Variants in PRKG1 observed in about 807,000 individuals in gnomAD.
PRKG1 encodes the protein protein kinase cGMP-dependent 1.
Under a neutral mutation model 88.1 loss-of-function variants are expected in PRKG1, and 35 were observed. The ratio of observed to expected loss-of-function variants is 0.40; its 90% CI spans 0.30 to 0.53. The LOEUF (loss-of-function observed/expected upper bound fraction) is 0.53. PRKG1 is among the 20% of genes least tolerant of loss of function. PRKG1 has a pLI of 0.59. For synonymous variants in PRKG1, 303 were observed against 292.5 expected (o/e 1.04, Z -0.37); for missense variants, 540 against 839.8 (o/e 0.64, Z 4.41).
intron 3 of PRKG1, among the ~76,000 whole-genome samples, chr10:51,755,659 G>C (rs1258844948): frequency 6.6e-6 from 1 of 152,188 alleles, no homozygotes; most frequent in Admixed American, 6.5e-5. Flanking sequence ...ATCTAATCAA[G>C]CTTTTAAGTT....
upstream of PRKG1, among the ~76,000 whole-genome samples, chr10:51,071,505 T>C (rs895085902): frequency 6.6e-6 from 1 of 152,232 alleles, no homozygotes; most frequent in African/African-American, 2.4e-5. Context: ...CTTTTTACTC[T>C]ATTTGTGTTT....
At chr10:52,116,913 C>A (rs1034657011) in intron 7 of PRKG1, among the ~76,000 whole-genome samples, 1 of 151,808 alleles carries the variant, frequency 6.6e-6, no homozygotes, top group Non-Finnish European at 1.5e-5. Flanking sequence ...ATTAGTGGCA[C>A]ATTTGGTATT....
intron 12 of PRKG1, among the ~76,000 whole-genome samples, chr10:52,279,023 T>C (rs975308768): frequency 6.6e-6 from 1 of 152,158 alleles, no homozygotes; most frequent in Non-Finnish European, 1.5e-5. Context: ...ATTTAATTCA[T>C]AGATAGCAGT....
chr10:51,020,870 C>G (rs1843127154), intron 1 of PRKG1, among the ~76,000 whole-genome samples: 1 of 152,096 alleles, frequency 6.6e-6, no homozygotes, highest in Admixed American at 6.5e-5. Flanking sequence ...TTGAATTTAT[C>G]TGATCAAACA....
At chr10:51,677,878 A>G (rs547071991) in intron 3 of PRKG1, among the ~76,000 whole-genome samples, 11 of 152,226 alleles carry the variant, frequency 7.2e-5, no homozygotes, top group Non-Finnish European at 1.5e-4. Context: ...CATAGGTGAG[A>G]TAGGGACATG....
At chr10:51,308,427 A>C (rs1841094856) in intron 2 of PRKG1, among the ~76,000 whole-genome samples, 1 of 152,190 alleles carries the variant, frequency 6.6e-6, no homozygotes. Flanking sequence ...TTTTGCAATG[A>C]TTAAATTACA....
intron 3 of PRKG1, chr10:51,699,063 G>A: frequency 1.9e-6 from 3 of 1,614,224 alleles, no homozygotes; most frequent in Admixed American, 3.3e-5. Context: ...GGATTTTGAA[G>A]TAACATGTTT....
intron 3 of PRKG1, among the ~76,000 whole-genome samples, chr10:51,741,530 C>A (rs1012252136): frequency 1.6e-4 from 25 of 151,986 alleles, no homozygotes; most frequent in Non-Finnish European, 4.4e-5. Flanking sequence ...TGAAGATGGG[C>A]ATTGTTGGGG....
intron 2 of PRKG1, among the ~76,000 whole-genome samples, chr10:51,345,991 CTG>C: frequency 6.6e-6 from 1 of 152,286 alleles, no homozygotes; most frequent in Admixed American, 6.5e-5. Flanking sequence ...TCTTGATTCT[CTG>C]TCTTTTTTAA....
intron 2 of PRKG1, among the ~76,000 whole-genome samples, chr10:51,358,734 G>C (rs1179531007): frequency 6.6e-6 from 1 of 151,834 alleles, no homozygotes; most frequent in Admixed American, 6.6e-5. Context: ...ATTTACTTTG[G>C]CCTTTAAAGC....
chr10:51,485,197 TAA>T (rs1325793200), intron 3 of PRKG1, among the ~76,000 whole-genome samples: 2 of 152,226 alleles, frequency 1.3e-5, no homozygotes, highest in African/African-American at 4.8e-5. Context: ...TATTTTTTAA[TAA>T]AGAGTATGCA....
At chr10:51,177,927 C>T (rs1402876371) in intron 2 of PRKG1, among the ~76,000 whole-genome samples, 1 of 151,656 alleles carries the variant, frequency 6.6e-6, no homozygotes, top group Non-Finnish European at 1.5e-5. Context: ...CCACAACCAT[C>T]AAAAATTTAC....
At chr10:51,916,307 T>C (rs1044613595) in intron 5 of PRKG1, among the ~76,000 whole-genome samples, 2 of 152,132 alleles carry the variant, frequency 1.3e-5, no homozygotes, top group African/African-American at 4.8e-5. Context: ...GTGACAAGAG[T>C]GACCTCTGGT....
intron 2 of PRKG1, among the ~76,000 whole-genome samples, chr10:51,351,432 C>CTT (rs1842242369): frequency 6.6e-6 from 1 of 152,002 alleles, no homozygotes; most frequent in Non-Finnish European, 1.5e-5. Context: ...TGTTTCCTGA[C>CTT]TTTAATGATC....
At chr10:51,893,998 A>C (rs1841783298) in intron 4 of PRKG1, among the ~76,000 whole-genome samples, 1 of 152,196 alleles carries the variant, frequency 6.6e-6, no homozygotes, top group African/African-American at 2.4e-5. Context: ...TGGGATGCCT[A>C]CTTAGATGTA....
At chr10:51,241,871 T>G (rs1163564692) in intron 2 of PRKG1, among the ~76,000 whole-genome samples, 1 of 151,954 alleles carries the variant, frequency 6.6e-6, no homozygotes, top group Non-Finnish European at 1.5e-5. Context: ...CCAAAGCCAA[T>G]TTCAAAACTG....
At chr10:52,005,251 CTT>C (rs10595402) in intron 5 of PRKG1, among the ~76,000 whole-genome samples, 62,834 of 117,492 alleles carry the variant, frequency 0.53, 16,128 homozygotes, top group Middle Eastern at 0.61. Flanking sequence ...TAATGCCCAT[CTT>C]TTTTTTTTTT....
chr10:51,627,053 A>G (rs765654671), intron 3 of PRKG1, among the ~76,000 whole-genome samples: 2 of 152,160 alleles, frequency 1.3e-5, no homozygotes, highest in African/African-American at 4.8e-5. Context: ...CAGTAAAAAT[A>G]TAAGTTCTAT....
At chr10:51,598,901 G>A (rs531828755) in intron 3 of PRKG1, among the ~76,000 whole-genome samples, 23 of 152,218 alleles carry the variant, frequency 1.5e-4, no homozygotes, top group South Asian at 4.2e-4. Context: ...CATGTTTCCC[G>A]TTTTGCATGT....
Sources: gnomAD v4.1 joint callset for allele counts (sites outside exome capture counted in the v4.1 genomes callset) on GRCh38, gnomAD v4.1.1 for gene constraint, MANE v1.5 for transcripts, NCBI Gene and HGNC (gene_info 2026-07-23, HGNC 2026-07-21) for gene names.